CADPS2: variants seen among roughly 807,000 people sequenced by gnomAD.
CADPS2 encodes calcium-dependent secretion activator 2.
Under a neutral mutation model 172.5 loss-of-function variants are expected in CADPS2, and 93 were observed. The observed-to-expected ratio is 0.54, with a 90% CI of 0.46 to 0.64. The LOEUF is 0.64. CADPS2 is among the 30% of genes least tolerant of loss of function. CADPS2 has a pLI of 0.00. For missense variants in CADPS2, 1,420 were observed against 1,565.9 expected (o/e 0.91, Z 1.57); for synonymous variants, 546 against 555.2 (o/e 0.98, Z 0.23).
chr7:122,438,921 T>C (rs2050999069), intron 16 of CADPS2, among the ~76,000 whole-genome samples: 1 of 140,350 alleles, frequency 7.1e-6, no homozygotes, highest in African/African-American at 2.5e-5. Flanking sequence ...AAGCATAATC[T>C]TTGAGCTCTG....
At chr7:122,857,601 G>T (rs759642249) in intron 1 of CADPS2, among the ~76,000 whole-genome samples, 1 of 152,118 alleles carries the variant, frequency 6.6e-6, no homozygotes, top group Non-Finnish European at 1.5e-5. Flanking sequence ...CCAATTATGA[G>T]GTCCTGACAT....
Position 122,426,424 on chromosome 7 carries a change from A to G in CADPS2, c.2477-10260T>C, listed in dbSNP as rs187960347. On this transcript the variant is annotated intron_variant, in intron 17 of 29. Transcript: ENST00000449022. Reference sequence around the variant, plus strand: ...CATTGATGCCTCATGGATATTTTAAAGGGCTCCTCTTTGAAATTAAAATAT... The same window carrying G: ...CATTGATGCCTCATGGATATTTTAAGGGGCTCCTCTTTGAAATTAAAATAT... Among the ~76,000 whole-genome samples the G allele has an allele frequency of 1.0e-3, 153 of 150,784 alleles. 4 individuals are homozygous for G. The East Asian group carries it at 0.028, about 28-fold the overall frequency.
intron 1 of CADPS2, among the ~76,000 whole-genome samples, chr7:122,834,422 G>A (rs1207086043): frequency 6.6e-6 from 1 of 152,118 alleles, no homozygotes; most frequent in Non-Finnish European, 1.5e-5. Context: ...TCACTGAGGT[G>A]TGTCAAACAG....
intron 6 of CADPS2, among the ~76,000 whole-genome samples, chr7:122,582,758 GACT>G (rs2069018961): frequency 6.6e-6 from 1 of 151,918 alleles, no homozygotes; most frequent in African/African-American, 2.4e-5. Flanking sequence ...AAATTTAGAA[GACT>G]AATAACCTTG....
At chr7:122,734,355 G>GAA (rs2091941636) in intron 2 of CADPS2, among the ~76,000 whole-genome samples, 1 of 5,144 alleles carries the variant, frequency 1.9e-4, no homozygotes, top group East Asian at 8.2e-3. Context: ...GCCAGAAATA[G>GAA]TAAAAAAAAA....
intron 14 of CADPS2, among the ~76,000 whole-genome samples, chr7:122,469,331 GGTTT>G (rs962125824): frequency 2.0e-5 from 3 of 152,012 alleles, no homozygotes; most frequent in African/African-American, 7.2e-5. Flanking sequence ...GTTTGCTTTG[GGTTT>G]GTTTGTTTCA....
intron 3 of CADPS2, among the ~76,000 whole-genome samples, chr7:122,643,282 G>T (rs575615232): frequency 1.3e-5 from 2 of 152,266 alleles, no homozygotes; most frequent in African/African-American, 4.8e-5. Flanking sequence ...TTATCAATAA[G>T]TGTCAATCCT....
intron 27 of CADPS2, among the ~76,000 whole-genome samples, chr7:122,356,938 T>C (rs1221779084): frequency 2.0e-5 from 3 of 152,162 alleles, no homozygotes; most frequent in Non-Finnish European, 4.4e-5. Flanking sequence ...CATTAAAGAT[T>C]AGAGAACAAA....
At chr7:122,580,538 A>G (rs1214726480) in intron 7 of CADPS2, among the ~76,000 whole-genome samples, 2 of 151,988 alleles carry the variant, frequency 1.3e-5, no homozygotes, top group East Asian at 1.9e-4. Flanking sequence ...TACTTCATTT[A>G]TAAGTCTGAA....
At chr7:122,645,627 T>C (rs1457989629) in intron 3 of CADPS2, among the ~76,000 whole-genome samples, 1 of 125,156 alleles carries the variant, frequency 8.0e-6, no homozygotes, top group African/African-American at 2.9e-5. Flanking sequence ...AAGATACATA[T>C]ATCTCTACTC....
At position 122,716,849 on chromosome 7, in the gene CADPS2, G is replaced by A. The variant is rs76400058; in HGVS notation, c.453+20106C>T. On this transcript the variant is annotated intron_variant, in intron 2 of 29. Coordinates refer to ENST00000449022, the MANE Select transcript of CADPS2 (RefSeq NM_017954.11). ...GGGGTGGGGAATGGAGGGAGGCCCA[G>A]AAAGGGAAACACTGATTTATAAACA... Among the ~76,000 whole-genome samples the A allele has an allele frequency of 8.2e-3, 1,241 of 152,164 alleles. 11 individuals carry two copies. The highest frequency in any genetic ancestry group is 0.013 in the Non-Finnish European group (902 of 67,990).
intron 8 of CADPS2, among the ~76,000 whole-genome samples, chr7:122,540,263 C>T (rs1260039077): frequency 4.6e-5 from 7 of 152,054 alleles, no homozygotes; most frequent in Non-Finnish European, 8.8e-5. Flanking sequence ...TTTAGAATAC[C>T]GATACCCCAG....
intron 3 of CADPS2, among the ~76,000 whole-genome samples, chr7:122,661,510 A>C (rs1034567442): frequency 6.6e-6 from 1 of 152,194 alleles, no homozygotes; most frequent in African/African-American, 2.4e-5. Flanking sequence ...GTCTTATAAT[A>C]TCTTTGTGTT....
chr7:122,670,442 A>T lies in CADPS2; in HGVS notation c.454-6873T>A, dbSNP rs189988116. Reference sequence around the variant, plus strand: ...AAAAATTAGCCAGGGGTGGTGACACATGCCTGTAGTCCCAGCCACTCGGGA... The same window carrying T: ...AAAAATTAGCCAGGGGTGGTGACACTTGCCTGTAGTCCCAGCCACTCGGGA... On this transcript the variant is annotated intron_variant, in intron 2 of 29. Coordinates refer to ENST00000449022, the MANE Select transcript of CADPS2 (RefSeq NM_017954.11). Among the ~76,000 whole-genome samples, 295 of 151,044 alleles carry T rather than the reference A, an allele frequency of 2.0e-3. 1 individual carries two copies. Among genetic ancestry groups the T allele is most frequent in the African/African-American group, 6.9e-3 (283 of 41,222 alleles).
intron 8 of CADPS2, among the ~76,000 whole-genome samples, chr7:122,548,347 T>G (rs942492625): frequency 2.6e-5 from 4 of 152,080 alleles, no homozygotes; most frequent in African/African-American, 9.7e-5. Flanking sequence ...CACTACAGCC[T>G]GGGAGACAGG....
chr7:122,662,690 T>C (rs1045530322), intron 3 of CADPS2, among the ~76,000 whole-genome samples: 1 of 152,142 alleles, frequency 6.6e-6, no homozygotes, highest in East Asian at 1.9e-4. Flanking sequence ...CATTTTTGTA[T>C]GTATAACTAG....
At chr7:122,539,111 T>A (rs566211301) in intron 8 of CADPS2, among the ~76,000 whole-genome samples, 1 of 152,144 alleles carries the variant, frequency 6.6e-6, no homozygotes, top group African/African-American at 2.4e-5. Flanking sequence ...TGGATACTGC[T>A]ATGGTTTGAA....
At position 122,393,456 on chromosome 7, in the gene CADPS2, G is replaced by A. The variant is rs758741896; in HGVS notation, c.2873C>T (p.Thr958Ile). ...AGATACCTACTTGACAGGCTGCCAT[G>A]TCTCCTGCTCAAAACCTCTGTGAAT... is the stretch of plus-strand genomic sequence containing the variant. The part of the protein sequence containing the change: ...QSIHRGFEQE[T>I]WQPVKNIANS... Residue 958 changes from threonine to isoleucine, a missense_variant, in exon 21 of 30, where the codon ACA (threonine) becomes ATA (isoleucine). Physicochemically the swap from Thr to Ile is moderately conservative, Grantham distance 89 (BLOSUM62 -1). Transcript: ENST00000449022. 8 of 1,613,772 alleles carry A rather than the reference G, an allele frequency of 5.0e-6. No individual in the cohort carries two copies. The highest frequency in any genetic ancestry group is 1.7e-5 in the Admixed American group (1 of 60,000).
intron 8 of CADPS2, among the ~76,000 whole-genome samples, chr7:122,520,135 G>C (rs1230980326): frequency 6.6e-6 from 1 of 151,914 alleles, no homozygotes; most frequent in East Asian, 1.9e-4. Context: ...AATGTTCCGT[G>C]ACAGCAGGAA....
Sources: allele counts gnomAD v4.1 joint callset (sites outside exome capture counted in the v4.1 genomes callset), GRCh38; gene constraint gnomAD v4.1.1; transcripts MANE v1.5; gene names NCBI Gene and HGNC (gene_info 2026-07-23, HGNC 2026-07-21).